The following DNAI4 variants were observed in gnomAD, a reference collection of about 807,000 sequenced individuals.
DNAI4 encodes the protein dynein axonemal intermediate chain 4.
Under a neutral mutation model 105.8 loss-of-function variants are expected in DNAI4, and 85 were observed. That is an observed-to-expected ratio of 0.80 (90% confidence interval 0.67 to 0.96). DNAI4 has a LOEUF of 0.96. DNAI4 is among the 40% of genes least tolerant of loss of function. The pLI, the probability that DNAI4 is intolerant of heterozygous loss-of-function variation, is 0.00. For missense variants in DNAI4, 1,014 were observed against 1,005.6 expected (o/e 1.01, Z -0.11); for synonymous variants, 352 against 331.5 (o/e 1.06, Z -0.67).
intron 6 of DNAI4, among the ~76,000 whole-genome samples, chr1:66,868,385 C>A (rs879769519): frequency 6.6e-6 from 1 of 152,104 alleles, no homozygotes; most frequent in African/African-American, 2.4e-5. Flanking sequence ...GCTGGTTAAA[C>A]GTTGTATCTG....
At chr1:66,862,762 T>C (rs763109790) in intron 6 of DNAI4, among the ~76,000 whole-genome samples, 1 of 152,208 alleles carries the variant, frequency 6.6e-6, no homozygotes, top group Non-Finnish European at 1.5e-5. Flanking sequence ...CACAATATTT[T>C]CTGACCATCA....
At chr1:66,912,704 T>C (rs1021866212) in intron 1 of DNAI4, among the ~76,000 whole-genome samples, 1 of 152,196 alleles carries the variant, frequency 6.6e-6, no homozygotes, top group Non-Finnish European at 1.5e-5. Context: ...GCGCGCATGC[T>C]CAACTTTGGC....
chr1:66,841,738 T>C (rs552621098), intron 8 of DNAI4, among the ~76,000 whole-genome samples: 1 of 152,210 alleles, frequency 6.6e-6, no homozygotes, highest in African/African-American at 2.4e-5. Context: ...GGTATCAACA[T>C]CCCTCCATAT....
At chr1:66,874,978 A>G in intron 4 of DNAI4, 41 bp from the exon 5 acceptor site, 3 of 1,539,360 alleles carry the variant, frequency 1.9e-6, no homozygotes, top group Non-Finnish European at 2.6e-6. Context: ...ACTAATTGCT[A>G]TTTTTAATTT....
intron 8 of DNAI4, among the ~76,000 whole-genome samples, chr1:66,844,120 C>A (rs1413885448): frequency 7.0e-6 from 1 of 143,790 alleles, no homozygotes; most frequent in African/African-American, 2.6e-5. Context: ...TTAAACCTTA[C>A]CTTAGTCCAT....
At chr1:66,830,988 A>AAAG (rs1645855171) in intron 13 of DNAI4, among the ~76,000 whole-genome samples, 1 of 148,772 alleles carries the variant, frequency 6.7e-6, no homozygotes, top group Admixed American at 6.7e-5. Context: ...AAAAAAAAAA[A>AAAG]AAAAAAATTA....
chr1:66,874,888 G>T lies in DNAI4; in HGVS notation c.693C>A (p.Asp231Glu). 1 of 1,612,380 alleles carries T rather than the reference G, an allele frequency of 6.2e-7. No individual in the cohort carries two copies. Among genetic ancestry groups the T allele is most frequent in the South Asian group, 1.1e-5 (1 of 90,686 alleles). The change falls in exon 5 of 17, where the codon GAC becomes GAA. Residue 231 changes from aspartate (D) to glutamate (E), a missense_variant. Transcript: ENST00000371026. The stretch of plus-strand genomic sequence containing the variant: ...GTATTATCTCTATATTCTTCTCCAG[G>T]TCTTCTTTTGTTACAATTTTTTCAG... ...AAPEKIVTKE[D>E]LEKNIEIILT...
At chr1:66,827,499 A>G (rs1645780389) in intron 14 of DNAI4, among the ~76,000 whole-genome samples, 1 of 151,982 alleles carries the variant, frequency 6.6e-6, no homozygotes, top group Non-Finnish European at 1.5e-5. Flanking sequence ...TAAAAAAAAC[A>G]TTAAAAAAAA....
At chr1:66,917,879 C>A (rs1042472228) in intron 1 of DNAI4, among the ~76,000 whole-genome samples, 1 of 152,180 alleles carries the variant, frequency 6.6e-6, no homozygotes, top group South Asian at 2.1e-4. Flanking sequence ...AGGAATCAAA[C>A]GTGACTTATG....
intron 1 of DNAI4, among the ~76,000 whole-genome samples, chr1:66,924,417 C>T (rs569506384): frequency 1.0e-3 from 157 of 151,552 alleles, no homozygotes; most frequent in African/African-American, 3.6e-3. Context: ...GGTGATCCAC[C>T]CCACTCGGCC....
At chr1:66,863,088 A>C (rs904150847) in intron 6 of DNAI4, among the ~76,000 whole-genome samples, 3 of 152,188 alleles carry the variant, frequency 2.0e-5, no homozygotes, top group African/African-American at 7.2e-5. Flanking sequence ...GTTTAGGTTA[A>C]ATTTATTCAA....
intron 7 of DNAI4, among the ~76,000 whole-genome samples, chr1:66,849,138 A>G (rs1646341309): frequency 6.6e-6 from 1 of 152,230 alleles, no homozygotes; most frequent in South Asian, 2.1e-4. Context: ...CCACTGGAGT[A>G]GTCAGAGTTG....
chr1:66,837,851 G>A, intron 9 of DNAI4, 55 bp from the exon 10 acceptor site: 1 of 1,448,906 alleles, frequency 6.9e-7, no homozygotes, highest in South Asian at 1.3e-5. Flanking sequence ...TAAAATATTG[G>A]TAAATGTATA....
At chr1:66,821,182 T>G (rs924617552) in intron 16 of DNAI4, among the ~76,000 whole-genome samples, 5 of 133,096 alleles carry the variant, frequency 3.8e-5, no homozygotes, top group African/African-American at 5.7e-5. Context: ...TACTGCAACC[T>G]CCCTCTCCCA....
At chr1:66,880,425 G>A (rs541227953) in intron 4 of DNAI4, among the ~76,000 whole-genome samples, 99 of 152,272 alleles carry the variant, frequency 6.5e-4, no homozygotes, top group African/African-American at 2.2e-3. Context: ...AGAGCGATAC[G>A]GACAATACAG....
Position 66,847,549 on chromosome 1 carries a change from C to T in DNAI4, c.1226G>A (p.Arg409Gln), listed in dbSNP as rs1273410993. The T allele has an allele frequency of 1.2e-6, 2 of 1,613,846 alleles. No homozygotes were observed. Among genetic ancestry groups the T allele is most frequent in the Middle Eastern group, 1.7e-4 (1 of 6,056 alleles). The part of the protein sequence containing the change: ...KFHQDLFFME[R>Q]VLMENIFQPK... The stretch of plus-strand genomic sequence containing the variant: ...CTGAAATATATTTTCCATCAGAACC[C>T]GTTCCATAAAAAATAAGTCCTGATG... The change falls in exon 8 of 17, where the codon CGG (arginine) becomes CAG (glutamine). Residue 409 changes from arginine to glutamine, a missense_variant. Transcript: ENST00000371026.
chr1:66,823,675 T>C (rs71639454), intron 15 of DNAI4, among the ~76,000 whole-genome samples: 65,601 of 142,716 alleles, frequency 0.46, 15,526 homozygotes, highest in South Asian at 0.58. Flanking sequence ...ATGAGCATTT[T>C]TTCATGTGTT....
chr1:66,914,172 A>G (rs1162501464), intron 1 of DNAI4, among the ~76,000 whole-genome samples: 1 of 152,170 alleles, frequency 6.6e-6, no homozygotes, highest in Non-Finnish European at 1.5e-5. Flanking sequence ...GGTGAAAACA[A>G]GCAGAATGCA....
intron 16 of DNAI4, among the ~76,000 whole-genome samples, chr1:66,815,365 T>C (rs1432951566): frequency 1.3e-5 from 2 of 152,246 alleles, no homozygotes; most frequent in Non-Finnish European, 2.9e-5. Flanking sequence ...CGTCACATAG[T>C]AAATACTCAG....
Sources: allele counts gnomAD v4.1 joint callset (sites outside exome capture counted in the v4.1 genomes callset), GRCh38; gene constraint gnomAD v4.1.1; transcripts MANE v1.5; gene names NCBI Gene and HGNC (gene_info 2026-07-23, HGNC 2026-07-21).